The following MYCT1 variants were observed in gnomAD, a reference collection of about 807,000 sequenced individuals.
The protein encoded by MYCT1 is MYC target 1, also known as myc target protein 1.
MYCT1 carries 12 observed loss-of-function variants against 15.0 expected under a neutral mutation model. That is an observed-to-expected ratio of 0.80 (90% confidence interval 0.51 to 1.29). The LOEUF (loss-of-function observed/expected upper bound fraction) is 1.29, where lower values mean the gene tolerates loss of function less well. Among genes scored for constraint, MYCT1 ranks in the 50% most tolerant of loss-of-function variants. MYCT1 has a pLI of 0.00. For synonymous variants in MYCT1, 104 were observed against 102.7 expected, an observed-to-expected ratio of 1.01 and a Z score of -0.07; for missense variants, 287 against 279.1, an observed-to-expected ratio of 1.03 and a Z score of -0.20.
At chr6:152,741,968 C>T in the MYCT1 span, among the ~76,000 whole-genome samples, 3 of 152,134 alleles carry the variant, frequency 2.0e-5, no homozygotes, top group African/African-American at 4.8e-5. Context: ...GAACTGAAAA[C>T]TAAAACAATA....
rs537699302 is a variant in MYCT1, at chr6:152,721,607, G to T, written c.197-135G>T. 4 of 792,150 alleles carry T rather than the reference G, an allele frequency of 5.0e-6. No individual in the cohort carries two copies. The South Asian group carries it at 7.6e-5, about 15-fold the overall frequency. The allele number at this position is 792,150 out of a possible 1,614,324, so 49.1% of individuals were successfully genotyped here. On this transcript the variant is annotated intron_variant, in intron 1 of 1. Coordinates refer to ENST00000367245, the MANE Select transcript of MYCT1 (RefSeq NM_025107.3). ...CATTTGTTCATATCCACCTAACACTGTCTTCTATTTCCCTAATTCAAAGTA... is the reference window on the plus strand; with the variant it reads ...CATTTGTTCATATCCACCTAACACTTTCTTCTATTTCCCTAATTCAAAGTA...
chr6:152,722,199 A>G lies in MYCT1; in HGVS notation c.654A>G (p.Ser218=). The G allele has an allele frequency of 6.2e-7, 1 of 1,614,120 alleles. No individual in the cohort carries two copies. The highest frequency in any genetic ancestry group is 1.1e-5 in the South Asian group (1 of 91,080). The change falls in exon 2 of 2, where the codon TCA becomes TCG. Residue 218 remains serine, a synonymous_variant. Coordinates refer to ENST00000367245, the MANE Select transcript of MYCT1 (RefSeq NM_025107.3). ...WSSNSLRVGL[S]TPPPPAYESI... is the part of the protein sequence containing the mutation. ...GTAACAGTCTTCGAGTGGGCCTTTCAACACCGCCCCCACCTGCCTATGAGT... is the reference window on the plus strand; with the variant it reads ...GTAACAGTCTTCGAGTGGGCCTTTCGACACCGCCCCCACCTGCCTATGAGT...
At chr6:152,720,851 T>C (rs183362624) in intron 1 of MYCT1, among the ~76,000 whole-genome samples, 2 of 152,104 alleles carry the variant, frequency 1.3e-5, no homozygotes, top group Admixed American at 1.3e-4. Flanking sequence ...CTTTGCAAAG[T>C]GGTGTGGTGA....
At chr6:152,742,645 T>C in the MYCT1 span, among the ~76,000 whole-genome samples, 30 of 152,284 alleles carry the variant, frequency 2.0e-4, no homozygotes, top group African/African-American at 6.5e-4. Context: ...TTTGAGTCTA[T>C]AGAAGTTGCA....
At chr6:152,700,174 A>G (rs1056781478) in intron 1 of MYCT1, among the ~76,000 whole-genome samples, 3 of 152,200 alleles carry the variant, frequency 2.0e-5, no homozygotes, top group Non-Finnish European at 4.4e-5. Context: ...TCAATCTTTT[A>G]AATTTCCATT....
chr6:152,724,963 T>G (rs2099725380), downstream of MYCT1, among the ~76,000 whole-genome samples: 2 of 151,932 alleles, frequency 1.3e-5, no homozygotes, highest in Admixed American at 1.3e-4. Context: ...TTTAATTATT[T>G]TATTTAGGGA....
At chr6:152,725,601 T>C (rs942875782), downstream of MYCT1, among the ~76,000 whole-genome samples, 4 of 152,130 alleles carry the variant, frequency 2.6e-5, no homozygotes, top group African/African-American at 9.7e-5. Context: ...TAGCTAACTA[T>C]TTATGAAATA....
intron 1 of MYCT1, among the ~76,000 whole-genome samples, chr6:152,717,421 G>A (rs745499359): frequency 3.3e-5 from 5 of 152,156 alleles, no homozygotes; most frequent in Non-Finnish European, 7.4e-5. Flanking sequence ...GTTTGGCTGT[G>A]TCCCCACCCA....
At chr6:152,708,119 A>G (rs1049895074) in intron 1 of MYCT1, among the ~76,000 whole-genome samples, 3 of 151,908 alleles carry the variant, frequency 2.0e-5, no homozygotes, top group African/African-American at 7.2e-5. Flanking sequence ...TAATTCACAA[A>G]TATAGTATAT....
intron 1 of MYCT1, among the ~76,000 whole-genome samples, chr6:152,702,526 T>A (rs2099721484): frequency 6.6e-6 from 1 of 152,134 alleles, no homozygotes; most frequent in African/African-American, 2.4e-5. Context: ...TTGTTGGGGA[T>A]CAAGTGCTGT....
chr6:152,713,188 A>G (rs2099723055), intron 1 of MYCT1, among the ~76,000 whole-genome samples: 2 of 151,970 alleles, frequency 1.3e-5, no homozygotes, highest in Non-Finnish European at 2.9e-5. Flanking sequence ...TTCACTGTTA[A>G]GCTCATGGTA....
At chr6:152,714,199 T>C (rs1466755207) in intron 1 of MYCT1, among the ~76,000 whole-genome samples, 3 of 151,930 alleles carry the variant, frequency 2.0e-5, no homozygotes, top group Admixed American at 1.3e-4. Context: ...TCCCTCTTTC[T>C]CTTTCTCTCC....
chr6:152,743,688 G>A, the MYCT1 span, among the ~76,000 whole-genome samples: 21 of 152,272 alleles, frequency 1.4e-4, no homozygotes, highest in African/African-American at 5.1e-4. Context: ...AAAGGTGAAA[G>A]GTCCAGATCT....
chr6:152,727,518 C>T (rs896136264), downstream of MYCT1, among the ~76,000 whole-genome samples: 1 of 152,190 alleles, frequency 6.6e-6, no homozygotes, highest in Non-Finnish European at 1.5e-5. Flanking sequence ...GTAGCTATAG[C>T]TTGAGAGTGG....
chr6:152,706,051 T>A, intron 1 of MYCT1: 1 of 1,248,926 alleles, frequency 8.0e-7, no homozygotes. Context: ...GTCACAAAAA[T>A]TCCTAAAAAA....
At chr6:152,713,550 G>A (rs1020587721) in intron 1 of MYCT1, among the ~76,000 whole-genome samples, 2 of 152,034 alleles carry the variant, frequency 1.3e-5, no homozygotes, top group Admixed American at 6.6e-5. Flanking sequence ...TATTTTCACA[G>A]GCAAATAACT....
chr6:152,704,699 A>G (rs2099721955), intron 1 of MYCT1, among the ~76,000 whole-genome samples: 1 of 152,098 alleles, frequency 6.6e-6, no homozygotes, highest in African/African-American at 2.4e-5. Flanking sequence ...GACTTTTTGT[A>G]TTTTCTCACT....
chr6:152,729,101 A>G (rs142135987), downstream of MYCT1, among the ~76,000 whole-genome samples: 4 of 152,330 alleles, frequency 2.6e-5, no homozygotes, highest in African/African-American at 9.6e-5. Flanking sequence ...GTTTGGAGAA[A>G]CACTCATGTT....
intron 1 of MYCT1, among the ~76,000 whole-genome samples, chr6:152,713,559 C>T (rs1258452047): frequency 6.6e-6 from 1 of 152,072 alleles, no homozygotes; most frequent in Non-Finnish European, 1.5e-5. Context: ...AGGCAAATAA[C>T]TCTGTGGAAC....
Sources: gnomAD v4.1 joint callset for allele counts (sites outside exome capture counted in the v4.1 genomes callset) on GRCh38, gnomAD v4.1.1 for gene constraint, MANE v1.5 for transcripts, NCBI Gene and HGNC (gene_info 2026-07-23, HGNC 2026-07-21) for gene names.